Variants in ADGRF3 observed in about 807,000 individuals in gnomAD.
The protein encoded by ADGRF3 is adhesion G protein-coupled receptor F3, also known as G protein-coupled receptor 113.
A neutral mutation model predicts 93.2 loss-of-function variants in ADGRF3; 85 were observed. The observed-to-expected ratio is 0.91, with a 90% CI of 0.77 to 1.09. The LOEUF (loss-of-function observed/expected upper bound fraction) is 1.09, where lower values mean the gene tolerates loss of function less well. Among genes scored for constraint, ADGRF3 ranks in the 50% least tolerant of loss-of-function variants. ADGRF3 has a pLI of 0.00. For missense variants in ADGRF3, 1,125 were observed against 1,246.2 expected (o/e 0.90, Z 1.46); for synonymous variants, 534 against 532.5 (o/e 1.00, Z -0.04).
At chr2:26,341,690 G>A (rs1676405038) in intron 1 of ADGRF3, among the ~76,000 whole-genome samples, 1 of 152,054 alleles carries the variant, frequency 6.6e-6, no homozygotes, top group Non-Finnish European at 1.5e-5. Context: ...TAGAGACAGG[G>A]TCTCCCTATG....
chr2:26,311,510 T>G lies in ADGRF3; in HGVS notation c.2014A>C (p.Ser672Arg). The G allele has an allele frequency of 1.9e-6, 3 of 1,614,010 alleles. No individual in the cohort carries two copies. Among genetic ancestry groups the G allele is most frequent in the Non-Finnish European group, 2.5e-6 (3 of 1,179,880 alleles). The stretch of plus-strand genomic sequence containing the variant: ...AGGCACTGAGCAGTGGGGCTGGCAC[T>G]GGCCACCTGTGCCTGGCACCCTTCT... ...SKEGCQAQVA[S>R]ASPTAQCLCQ... Residue 672 changes from serine (S) to arginine (R), a missense_variant, in exon 10 of 14, where the codon AGT becomes CGT. Transcript: ENST00000651242.
chr2:26,313,514 C>G lies in ADGRF3; in HGVS notation c.1132G>C (p.Gly378Arg), dbSNP rs376622281. 2 of 1,611,902 alleles carry G rather than the reference C, an allele frequency of 1.2e-6. No homozygotes were observed. The highest frequency in any genetic ancestry group is 1.7e-6 in the Non-Finnish European group (2 of 1,179,370). ...SVLTWNVTKAGHVAQAPCPES... is the reference protein window; with the variant it reads ...SVLTWNVTKARHVAQAPCPES... ...GGACATGGGGCCTGTGCCACGTGGC[C>G]AGCCTTGGTGACATTCCAGGTGAGC... Residue 378 changes from glycine to arginine, a missense_variant, in exon 8 of 14, where the codon GGC becomes CGC. Transcript: ENST00000651242.
intron 1 of ADGRF3, among the ~76,000 whole-genome samples, chr2:26,326,544 C>A (rs369013223): frequency 3.3e-5 from 5 of 152,068 alleles, no homozygotes; most frequent in African/African-American, 1.2e-4. Flanking sequence ...AACTGAAAAA[C>A]TTCATTTAAT....
In ADGRF3 at chr2:26,309,233, T is replaced by C. The variant is rs985450300; in HGVS notation, c.2994-126A>G. 3 of 1,600,722 alleles carry C rather than the reference T, an allele frequency of 1.9e-6. No individual in the cohort carries two copies. The Admixed American group carries it at 5.2e-5, about 28-fold the overall frequency. The stretch of plus-strand genomic sequence containing the variant: ...GCGTGACTCTCATGATAATTAAATG[T>C]GTGATAATGTGAAAAGGAATTTTCA... On this transcript the variant is annotated intron_variant, in intron 13 of 13. Coordinates refer to ENST00000651242, the MANE Select transcript of ADGRF3 (RefSeq NM_001321971.2).
intron 1 of ADGRF3, among the ~76,000 whole-genome samples, chr2:26,343,293 T>C (rs1228677097): frequency 5.3e-5 from 8 of 152,164 alleles, no homozygotes; most frequent in Non-Finnish European, 5.9e-5. Context: ...CATATCATTG[T>C]AGGTAAGACA....
Position 26,346,443 on chromosome 2 carries a change from G to A in ADGRF3, c.-209C>T. Reference sequence around the variant, plus strand: ...GAGGTCCTGCGGGTCCTGGGGATTGGGGGTCGGGGAGCGTGGGAGCATCCT... The same window carrying A: ...GAGGTCCTGCGGGTCCTGGGGATTGAGGGTCGGGGAGCGTGGGAGCATCCT... On this transcript the variant is annotated 5_prime_UTR_variant, in exon 1 of 14. Transcript: ENST00000651242. 1.1e-6 allele frequency: 1 copy of A among 942,362 alleles called. No homozygotes were observed. Among genetic ancestry groups the A allele is most frequent in the Non-Finnish European group, 1.5e-6 (1 of 668,152 alleles). 58.4% of individuals were successfully genotyped at this position (942,362 alleles called of 1,614,324 possible). A position where few individuals can be genotyped will look rare whatever the true frequency, so the allele number is the denominator to read the frequency against.
intron 1 of ADGRF3, among the ~76,000 whole-genome samples, chr2:26,330,388 C>T (rs1574725503): frequency 6.6e-6 from 1 of 152,166 alleles, no homozygotes; most frequent in East Asian, 1.9e-4. Flanking sequence ...TTCTGATTCC[C>T]TGGGACTCCT....
intron 1 of ADGRF3, among the ~76,000 whole-genome samples, chr2:26,343,467 C>T (rs568190552): frequency 1.3e-5 from 2 of 151,608 alleles, no homozygotes; most frequent in East Asian, 1.9e-4. Flanking sequence ...TGAGACAGAG[C>T]CTCGCTGTGT....
chr2:26,330,575 G>C (rs1038195028), intron 1 of ADGRF3, among the ~76,000 whole-genome samples: 1 of 152,152 alleles, frequency 6.6e-6, no homozygotes, highest in African/African-American at 2.4e-5. Flanking sequence ...AGAGTTCTCG[G>C]CTCCTGCGGA....
At position 26,346,159 on chromosome 2, in the gene ADGRF3, C is replaced by T. The variant is rs1269701358; in HGVS notation, c.76G>A (p.Gly26Ser). ...YKAVTHKHHT[G>S]WARMAKTGLP... is the part of the protein sequence containing the mutation. ...CCAGTCTTTGCCATCCTTGCCCAGCCGGTGTGGTGCTTGTGTGTCACAGCC... is the reference window on the plus strand; with the variant it reads ...CCAGTCTTTGCCATCCTTGCCCAGCTGGTGTGGTGCTTGTGTGTCACAGCC... The change falls in exon 1 of 14, where the codon GGC (glycine) becomes AGC (serine). Residue 26 changes from glycine (G) to serine (S), a missense_variant. Coordinates refer to ENST00000651242, the MANE Select transcript of ADGRF3 (RefSeq NM_001321971.2). 2 of 1,609,886 alleles carry T rather than the reference C, an allele frequency of 1.2e-6. No homozygotes were observed. The highest frequency in any genetic ancestry group is 1.7e-4 in the Middle Eastern group (1 of 6,056).
chr2:26,317,247 A>C lies in ADGRF3; in HGVS notation c.182-192T>G, dbSNP rs576017249. Among the ~76,000 whole-genome samples the C allele has an allele frequency of 6.5e-4, 99 of 152,218 alleles. 1 individual carries two copies. The highest frequency in any genetic ancestry group is 1.2e-3 in the Non-Finnish European group (82 of 68,008). ...CCCTAGGCACTGTGCCTTCAGATAC[A>C]CGGCTTCATGTCATCCGTCCAGCAA... On this transcript the variant is annotated intron_variant, in intron 2 of 13. Transcript: ENST00000651242.
chr2:26,313,014 G>A lies in ADGRF3; in HGVS notation c.1378C>T (p.Leu460=), dbSNP rs1674328830. The A allele has an allele frequency of 1.2e-6, 2 of 1,614,040 alleles. No individual in the cohort carries two copies. Among genetic ancestry groups the A allele is most frequent in the African/African-American group, 2.7e-5 (2 of 75,064 alleles). The change falls in exon 9 of 14, where the codon CTG becomes TTG. Residue 460 remains leucine, a synonymous_variant. Coordinates refer to ENST00000651242, the MANE Select transcript of ADGRF3 (RefSeq NM_001321971.2). The part of the protein sequence containing the change: ...ASSPSDLLTL[L]STMKYVAKVV... Reference sequence around the variant, plus strand: ...TTGGCCACGTATTTCATGGTGCTCAGCAGGGTCAGTAAGTCGGAGGGTGAA... The same window carrying A: ...TTGGCCACGTATTTCATGGTGCTCAACAGGGTCAGTAAGTCGGAGGGTGAA...
intron 1 of ADGRF3, chr2:26,318,220 A>G: frequency 1.3e-6 from 1 of 756,060 alleles, no homozygotes; most frequent in Non-Finnish European, 2.1e-6. Context: ...CACAGACCTG[A>G]GCCCTGTCTA....
At chr2:26,327,638 C>T (rs1022294383) in intron 1 of ADGRF3, among the ~76,000 whole-genome samples, 6 of 142,552 alleles carry the variant, frequency 4.2e-5, no homozygotes, top group African/African-American at 1.5e-4. Context: ...TGGTGAGGGC[C>T]TTCCTGCTCT....
At chr2:26,330,122 C>A (rs557610238) in intron 1 of ADGRF3, among the ~76,000 whole-genome samples, 239 of 152,342 alleles carry the variant, frequency 1.6e-3, no homozygotes, top group African/African-American at 5.6e-3. Context: ...CAACCTACTG[C>A]GGACTGTGCT....
At chr2:26,315,382 G>C in intron 5 of ADGRF3, 140 bp downstream of exon 5, 1 of 944,018 alleles carries the variant, frequency 1.1e-6, no homozygotes, top group Non-Finnish European at 1.6e-6. Flanking sequence ...AAAAGGGTGA[G>C]AAAGAGGTGG....
chr2:26,309,460 G>T (rs1673843351), intron 13 of ADGRF3, 66 bp downstream of exon 13: 2 of 1,576,576 alleles, frequency 1.3e-6, no homozygotes, highest in Middle Eastern at 2.0e-4. Context: ...TTTGCCAGGA[G>T]GCCCTTTGCC....
chr2:26,314,405 T>A lies in ADGRF3; in HGVS notation c.928+9A>T, dbSNP rs754793806. On this transcript the variant is annotated intron_variant, in intron 6 of 13. Transcript: ENST00000651242. ...CCTCTGACCCCTGACTGCTGGCCCCTTCTCATACCTTTGCTGCCCTCTCCA... is the reference window on the plus strand; with the variant it reads ...CCTCTGACCCCTGACTGCTGGCCCCATCTCATACCTTTGCTGCCCTCTCCA... 1.9e-6 allele frequency: 3 copies of A among 1,609,124 alleles called. No homozygotes were observed. Among genetic ancestry groups the A allele is most frequent in the South Asian group, 1.1e-5 (1 of 90,698 alleles).
intron 1 of ADGRF3, among the ~76,000 whole-genome samples, chr2:26,329,782 C>A (rs1321256660): frequency 6.6e-6 from 1 of 152,108 alleles, no homozygotes; most frequent in Non-Finnish European, 1.5e-5. Context: ...TTTATATTTT[C>A]TATTTCCTCC....
Sources: allele counts gnomAD v4.1 joint callset (sites outside exome capture counted in the v4.1 genomes callset), GRCh38; gene constraint gnomAD v4.1.1; transcripts MANE v1.5; gene names NCBI Gene and HGNC (gene_info 2026-07-23, HGNC 2026-07-21).